The following PRKCI variants were observed in gnomAD, a reference collection of about 807,000 sequenced individuals.
PRKCI encodes protein kinase C iota.
In PRKCI, 43 loss-of-function variants were observed where a neutral mutation model predicts 84.0. The observed-to-expected ratio is 0.51, with a 90% CI of 0.40 to 0.66. The LOEUF (loss-of-function observed/expected upper bound fraction) is 0.66, where lower values mean the gene tolerates loss of function less well. Among genes scored for constraint, PRKCI ranks in the 30% least tolerant of loss-of-function variants. The probability of loss-of-function intolerance (pLI) is 0.00; values close to 1 mark genes in which losing one functional copy is unlikely to be tolerated. For missense variants in PRKCI, 459 were observed against 745.6 expected (o/e 0.62, Z 4.48); for synonymous variants, 216 against 234.4 (o/e 0.92, Z 0.72).
In PRKCI at chr3:170,305,904, A is replaced by C. The variant is rs1371840507; in HGVS notation, c.*2777A>C. ...CATGTAGAATACTACTGTGGTCATCATAATGTAATCTATTTCTGTACCTTT... is the reference window on the plus strand; with the variant it reads ...CATGTAGAATACTACTGTGGTCATCCTAATGTAATCTATTTCTGTACCTTT... On this transcript the variant is annotated 3_prime_UTR_variant, in exon 18 of 18. Transcript: ENST00000295797. The C allele has an allele frequency of 6.6e-6, 1 of 150,768 alleles. No homozygotes were observed. The highest frequency in any genetic ancestry group is 1.9e-4 in the East Asian group (1 of 5,178). The allele number at this position is 150,768 out of a possible 1,614,324, so 9.3% of individuals were successfully genotyped here. A position where few individuals can be genotyped will look rare whatever the true frequency, so the allele number is the denominator to read the frequency against.
At chr3:170,234,557 C>T (rs1732895630) in intron 1 of PRKCI, among the ~76,000 whole-genome samples, 2 of 152,068 alleles carry the variant, frequency 1.3e-5, no homozygotes, top group African/African-American at 4.8e-5. Context: ...GATAATTTTA[C>T]ACTTATTCTT....
intron 12 of PRKCI, among the ~76,000 whole-genome samples, chr3:170,286,633 A>G (rs550572857): frequency 1.3e-5 from 2 of 151,984 alleles, no homozygotes; most frequent in East Asian, 3.9e-4. Flanking sequence ...TGATGGGGGA[A>G]TTATCAGGAA....
intron 13 of PRKCI, among the ~76,000 whole-genome samples, chr3:170,292,837 C>T (rs1232203395): frequency 3.3e-5 from 5 of 151,718 alleles, no homozygotes; most frequent in Non-Finnish European, 5.9e-5. Flanking sequence ...GTCAGGAAAT[C>T]GAGACCATTC....
chr3:170,273,396 T>C lies in PRKCI; in HGVS notation c.646+56T>C, dbSNP rs1553842834. The C allele has an allele frequency of 5.9e-6, 9 of 1,519,356 alleles. 1 individual carries two copies. The South Asian group carries it at 1.0e-4, about 17-fold the overall frequency. 94.1% of individuals were successfully genotyped at this position (1,519,356 alleles called of 1,614,324 possible). A position where few individuals can be genotyped will look rare whatever the true frequency, so the allele number is the denominator to read the frequency against. ...CATTCACAGAGTAGCATGTAAAGAC[T>C]TACTTAGGTGACTCTCTTACCCAAG... On this transcript the variant is annotated intron_variant, in intron 7 of 17. Coordinates refer to ENST00000295797, the MANE Select transcript of PRKCI (RefSeq NM_002740.6).
At chr3:170,227,616 A>G (rs1021543035) in intron 1 of PRKCI, among the ~76,000 whole-genome samples, 3 of 152,216 alleles carry the variant, frequency 2.0e-5, no homozygotes, top group African/African-American at 7.2e-5. Flanking sequence ...AATTAAGATC[A>G]CTTTGGCTGT....
At chr3:170,277,861 T>C (rs1253234433) in intron 8 of PRKCI, among the ~76,000 whole-genome samples, 1 of 152,174 alleles carries the variant, frequency 6.6e-6, no homozygotes. Context: ...TTTTAAACAG[T>C]TACTCCTTAT....
At chr3:170,289,685 G>A (rs1293514111) in intron 12 of PRKCI, among the ~76,000 whole-genome samples, 1 of 151,898 alleles carries the variant, frequency 6.6e-6, no homozygotes, top group Non-Finnish European at 1.5e-5. Context: ...GGCCGAGGCG[G>A]GTGGATCACT....
At chr3:170,273,952 G>A (rs551771885) in intron 7 of PRKCI, among the ~76,000 whole-genome samples, 1 of 151,766 alleles carries the variant, frequency 6.6e-6, no homozygotes, top group South Asian at 2.1e-4. Context: ...GCCAACACAG[G>A]GAGACTCTGT....
chr3:170,236,697 AC>A (rs1171944698), intron 2 of PRKCI, among the ~76,000 whole-genome samples: 1 of 151,936 alleles, frequency 6.6e-6, no homozygotes, highest in Non-Finnish European at 1.5e-5. Context: ...CCCTGTCTCT[AC>A]AAAAAGTTTT....
chr3:170,269,524 A>G (rs1438246832), intron 5 of PRKCI, among the ~76,000 whole-genome samples: 1 of 152,126 alleles, frequency 6.6e-6, no homozygotes, highest in African/African-American at 2.4e-5. Flanking sequence ...TTAGCAGGGC[A>G]TGGTGGCACA....
intron 2 of PRKCI, among the ~76,000 whole-genome samples, chr3:170,237,293 A>G (rs912458979): frequency 6.6e-6 from 1 of 152,214 alleles, no homozygotes; most frequent in Middle Eastern, 3.2e-3. Flanking sequence ...TTTGAGAAGC[A>G]TGAGACTAGA....
intron 7 of PRKCI, 50 bp downstream of exon 7, chr3:170,273,390 A>G: frequency 1.3e-6 from 2 of 1,554,162 alleles, no homozygotes; most frequent in Non-Finnish European, 1.8e-6. Context: ...AGTAGCATGT[A>G]AAGACTTACT....
At chr3:170,261,819 C>T (rs1257715337) in intron 3 of PRKCI, among the ~76,000 whole-genome samples, 2 of 152,114 alleles carry the variant, frequency 1.3e-5, no homozygotes, top group Non-Finnish European at 2.9e-5. Flanking sequence ...GACATAGTGA[C>T]TCACAAGGGA....
chr3:170,225,567 C>T (rs1437253667), intron 1 of PRKCI, among the ~76,000 whole-genome samples: 1 of 151,024 alleles, frequency 6.6e-6, no homozygotes, highest in African/African-American at 2.4e-5. Context: ...CTACACTTTT[C>T]TTTTCTTTTT....
At chr3:170,300,784 G>A (rs189139416) in intron 17 of PRKCI, among the ~76,000 whole-genome samples, 78 of 147,298 alleles carry the variant, frequency 5.3e-4, no homozygotes, top group Non-Finnish European at 1.0e-3. Context: ...TTTCTAAATT[G>A]TAAAGCATTT....
Position 170,281,343 on chromosome 3 carries a change from A to G in PRKCI, c.980+80A>G, listed in dbSNP as rs1031182026. 8.8e-6 allele frequency: 10 copies of G among 1,132,296 alleles called. No individual in the cohort carries two copies. In the Admixed American group the frequency reaches 1.5e-4, roughly 17 times the overall value. 70.1% of individuals were successfully genotyped at this position (1,132,296 alleles called of 1,614,324 possible). ...ACACAGTTAGAACCTTTCTGCCCTAATTCATGAAGTTGATATCATGGAGGA... is the reference window on the plus strand; with the variant it reads ...ACACAGTTAGAACCTTTCTGCCCTAGTTCATGAAGTTGATATCATGGAGGA... On this transcript the variant is annotated intron_variant, in intron 10 of 17. Coordinates refer to ENST00000295797, the MANE Select transcript of PRKCI (RefSeq NM_002740.6).
intron 2 of PRKCI, among the ~76,000 whole-genome samples, chr3:170,255,201 C>CA (rs1733555505): frequency 6.6e-6 from 1 of 151,750 alleles, no homozygotes; most frequent in African/African-American, 2.4e-5. Context: ...GCTGGGATTA[C>CA]AGGGATGCAC....
chr3:170,300,066 T>C (rs1330906154), intron 17 of PRKCI, among the ~76,000 whole-genome samples: 1 of 152,206 alleles, frequency 6.6e-6, no homozygotes, highest in Non-Finnish European at 1.5e-5. Flanking sequence ...TACAGATTCA[T>C]TCTCTCTAAT....
chr3:170,299,287 T>C (rs1734765245), intron 17 of PRKCI, among the ~76,000 whole-genome samples, 177 bp downstream of exon 17: 1 of 152,182 alleles, frequency 6.6e-6, no homozygotes, highest in Admixed American at 6.5e-5. Flanking sequence ...AGTGCAGTGG[T>C]GCAATCTCGG....
Sources: allele counts gnomAD v4.1 joint callset (sites outside exome capture counted in the v4.1 genomes callset), GRCh38; gene constraint gnomAD v4.1.1; transcripts MANE v1.5; gene names NCBI Gene and HGNC (gene_info 2026-07-23, HGNC 2026-07-21).